ABCG2: variants seen among roughly 807,000 people sequenced by gnomAD.
The protein encoded by ABCG2 is ATP binding cassette subfamily G member 2 (JR blood group), also known as broad substrate specificity ATP-binding cassette transporter ABCG2.
In ABCG2, 80 loss-of-function variants were observed where a neutral mutation model predicts 73.5. The observed-to-expected ratio is 1.09, with a 90% CI of 0.91 to 1.31. The LOEUF is 1.31. Ranked by LOEUF, ABCG2 falls within the 50% of genes most tolerant of loss-of-function variation. ABCG2 has a pLI of 0.00. For missense variants in ABCG2, 796 were observed against 786.2 expected (o/e 1.01, Z -0.15); for synonymous variants, 269 against 282.4 (o/e 0.95, Z 0.48).
chr4:88,178,604 C>T (rs1728101617), intron 1 of ABCG2, among the ~76,000 whole-genome samples: 1 of 152,126 alleles, frequency 6.6e-6, no homozygotes, highest in Non-Finnish European at 1.5e-5. Flanking sequence ...AGGTAGAGCA[C>T]CAAATGGGCT....
chr4:88,210,931 C>T (rs1729565736), intron 1 of ABCG2, among the ~76,000 whole-genome samples: 1 of 151,648 alleles, frequency 6.6e-6, no homozygotes, highest in Non-Finnish European at 1.5e-5. Flanking sequence ...TAAGAAGAGG[C>T]GCAGATGCCA....
At chr4:88,181,849 A>C (rs1728266788) in intron 1 of ABCG2, among the ~76,000 whole-genome samples, 1 of 152,216 alleles carries the variant, frequency 6.6e-6, no homozygotes, top group African/African-American at 2.4e-5. Context: ...TTTCACTAAA[A>C]GAAAGGAAGG....
intron 1 of ABCG2, among the ~76,000 whole-genome samples, chr4:88,191,055 T>C (rs934669310): frequency 6.6e-6 from 1 of 150,950 alleles, no homozygotes; most frequent in African/African-American, 2.4e-5. Context: ...GCTAACACAG[T>C]GAAACCCCAT....
chr4:88,175,361 C>T (rs1727915136), intron 1 of ABCG2, among the ~76,000 whole-genome samples: 2 of 152,180 alleles, frequency 1.3e-5, no homozygotes, highest in South Asian at 4.1e-4. Context: ...ATGATTATTA[C>T]TAGACCCATT....
upstream of ABCG2, among the ~76,000 whole-genome samples, chr4:88,163,414 T>C (rs1235430304): frequency 2.0e-5 from 3 of 152,140 alleles, no homozygotes; most frequent in African/African-American, 7.2e-5. Flanking sequence ...GACTAGAACA[T>C]GTGTGCATGC....
At chr4:88,137,131 C>T (rs189072330) in intron 2 of ABCG2, among the ~76,000 whole-genome samples, 14 of 152,100 alleles carry the variant, frequency 9.2e-5, no homozygotes, top group Admixed American at 1.3e-4. Flanking sequence ...AGATCTCCCA[C>T]CAAATCAGGA....
Position 88,115,153 on chromosome 4 carries a change from G to A in ABCG2, c.842-95C>T. On this transcript the variant is annotated intron_variant, in intron 7 of 15. Transcript: ENST00000237612. Reference sequence around the variant, plus strand: ...GGGTGAGGGAGGTAAGGCTAGAGAAGACAGAATCTAATGACTTTTCCTTAA... The same window carrying A: ...GGGTGAGGGAGGTAAGGCTAGAGAAAACAGAATCTAATGACTTTTCCTTAA... 6.8e-6 allele frequency: 5 copies of A among 731,706 alleles called. No individual in the cohort carries two copies. In the South Asian group the frequency reaches 7.4e-5, roughly 11 times the overall value. The allele number at this position is 731,706 out of a possible 1,614,324, so 45.3% of individuals were successfully genotyped here.
intron 1 of ABCG2, among the ~76,000 whole-genome samples, chr4:88,215,712 G>A (rs1029213095): frequency 7.2e-5 from 11 of 152,324 alleles, no homozygotes; most frequent in Non-Finnish European, 1.2e-4. Flanking sequence ...AATAGTAATC[G>A]AACTGCTTTG....
At position 88,118,241 on chromosome 4, in the gene ABCG2, T is replaced by C; in HGVS notation, c.709A>G (p.Thr237Ala). Residue 237 changes from threonine (T) to alanine (A), a missense_variant, in exon 7 of 16, where the codon ACA (threonine) becomes GCA (alanine). Coordinates refer to ENST00000237612, the MANE Select transcript of ABCG2 (RefSeq NM_004827.3). ...GGCTGATGAATGGAGAAGATGATTG[T>C]TCGTCCCTGCTTAGACATCCTAAGT... ...LLKRMSKQGR[T>A]IIFSIHQPRY... is the part of the protein sequence containing the mutation. The C allele has an allele frequency of 1.2e-6, 2 of 1,614,126 alleles. No individual in the cohort carries two copies. Among genetic ancestry groups the C allele is most frequent in the African/African-American group, 1.3e-5 (1 of 75,064 alleles).
At chr4:88,205,065 T>G (rs1729325386) in intron 1 of ABCG2, among the ~76,000 whole-genome samples, 2 of 152,252 alleles carry the variant, frequency 1.3e-5, no homozygotes, top group Admixed American at 1.3e-4. Context: ...TTCTGAAAGC[T>G]GCTTCCTCTT....
chr4:88,112,086 T>TAA (rs70957300), intron 9 of ABCG2, among the ~76,000 whole-genome samples: 46 of 142,566 alleles, frequency 3.2e-4, no homozygotes, highest in South Asian at 1.1e-3. Context: ...ACCCAGTCTC[T>TAA]AAAAAAAAAA....
In ABCG2 at chr4:88,214,600, C is replaced by G. The variant is rs188012589; in HGVS notation, c.-20+16394G>C. On this transcript the variant is annotated intron_variant, in intron 1 of 15. Coordinates refer to the ABCG2 transcript ENST00000515655. ...TTGAGCCAGGTGTGGTGGGTCCTGCCTGTAATCCTGGCACTTCCGTAGGCT... is the reference window on the plus strand; with the variant it reads ...TTGAGCCAGGTGTGGTGGGTCCTGCGTGTAATCCTGGCACTTCCGTAGGCT... 2.6e-3 allele frequency among the ~76,000 whole-genome samples: 391 copies of G among 152,198 alleles called. 2 individuals carry two copies. The highest frequency in any genetic ancestry group is 8.3e-3 in the African/African-American group (343 of 41,534).
chr4:88,126,492 C>T (rs760703827), intron 5 of ABCG2, among the ~76,000 whole-genome samples: 5 of 152,136 alleles, frequency 3.3e-5, no homozygotes, highest in Non-Finnish European at 7.4e-5. Flanking sequence ...AATTTCAGGC[C>T]AATATCCCTG....
intron 1 of ABCG2, among the ~76,000 whole-genome samples, chr4:88,218,055 G>A (rs1729880416): frequency 6.6e-6 from 1 of 151,256 alleles, no homozygotes; most frequent in Non-Finnish European, 1.5e-5. Context: ...TCTCCCAGGT[G>A]TTTCTCTAGC....
chr4:88,113,423 C>A lies in ABCG2; in HGVS notation c.1074G>T (p.Lys358Asn). ...ELHQLSGGEKKKKITVFKEIS... is the reference protein window; with the variant it reads ...ELHQLSGGEKNKKITVFKEIS... ...TCTCCTTGAAGACTGTGATCTTCTT[C>A]TTCTTCTCACCCCCGGAAAGTTGAT... The change falls in exon 9 of 16, where the codon AAG (lysine) becomes AAT (asparagine). Residue 358 changes from lysine to asparagine, a missense_variant. Lys to Asn is a moderately conservative substitution (Grantham distance 94). Coordinates refer to ENST00000237612, the MANE Select transcript of ABCG2 (RefSeq NM_004827.3). The A allele has an allele frequency of 2.5e-6, 4 of 1,614,134 alleles. No individual in the cohort carries two copies. The highest frequency in any genetic ancestry group is 3.4e-6 in the Non-Finnish European group (4 of 1,180,012).
intron 10 of ABCG2, among the ~76,000 whole-genome samples, chr4:88,102,421 C>A (rs753594930): frequency 6.6e-6 from 1 of 151,888 alleles, no homozygotes; most frequent in Admixed American, 6.6e-5. Flanking sequence ...CATGGTGAAA[C>A]CCTGTCTCTA....
chr4:88,174,247 G>T (rs1314488132), intron 1 of ABCG2, among the ~76,000 whole-genome samples: 1 of 151,680 alleles, frequency 6.6e-6, no homozygotes, highest in Admixed American at 6.6e-5. Flanking sequence ...GTGGTTTGCG[G>T]TTCCTATCAA....
At chr4:88,206,912 C>T (rs558000623) in intron 1 of ABCG2, among the ~76,000 whole-genome samples, 8 of 152,138 alleles carry the variant, frequency 5.3e-5, no homozygotes, top group East Asian at 1.9e-4. Flanking sequence ...AGTCCCCACC[C>T]GACCCAGAAG....
At chr4:88,169,913 C>A (rs1356700913) in intron 1 of ABCG2, among the ~76,000 whole-genome samples, 1 of 152,012 alleles carries the variant, frequency 6.6e-6, no homozygotes, top group Non-Finnish European at 1.5e-5. Context: ...GAGTTCGAGA[C>A]CAGCCTGGCC....
Sources: allele counts gnomAD v4.1 joint callset (sites outside exome capture counted in the v4.1 genomes callset), GRCh38; gene constraint gnomAD v4.1.1; transcripts MANE v1.5; gene names NCBI Gene and HGNC (gene_info 2026-07-23, HGNC 2026-07-21).